Variants in SPRY3 observed in about 807,000 individuals in gnomAD.
The protein encoded by SPRY3 is sprouty RTK signaling antagonist 3.
Under a neutral mutation model 20.2 loss-of-function variants are expected in SPRY3, and 15 were observed. The ratio of observed to expected loss-of-function variants is 0.74; its 90% CI spans 0.50 to 1.14. SPRY3 has a LOEUF of 1.14. Among genes scored for constraint, SPRY3 ranks in the 50% most tolerant of loss-of-function variants. SPRY3 has a pLI of 0.00. For missense variants in SPRY3, 364 were observed against 363.9 expected (o/e 1.00, Z 0.00); for synonymous variants, 143 against 136.5 (o/e 1.05, Z -0.33).
chrX:155,679,434 T>C (rs2068067181), intron 2 of SPRY3, among the ~76,000 whole-genome samples: 1 of 99,524 alleles, frequency 1.0e-5, no homozygotes, highest in Admixed American at 1.1e-4. Context: ...TGCTGCCTTC[T>C]CATATGGCAG....
chrX:155,669,208 A>C (rs1308896248), intron 2 of SPRY3, among the ~76,000 whole-genome samples: 1 of 111,681 alleles, frequency 9.0e-6, no homozygotes, highest in Admixed American at 9.5e-5. Flanking sequence ...ATATTTTCCA[A>C]ATGTATAATT....
chrX:155,703,010 G>A, intron 2 of SPRY3, among the ~76,000 whole-genome samples: 1 of 101,000 alleles, frequency 9.9e-6, no homozygotes. Flanking sequence ...TGCTGGATTC[G>A]GTTTGCCAGT....
At chrX:155,742,836 G>A (rs1190960478) in intron 2 of SPRY3, among the ~76,000 whole-genome samples, 4 of 152,106 alleles carry the variant, frequency 2.6e-5, no homozygotes, top group Non-Finnish European at 5.9e-5. Context: ...AGCTAAAGCA[G>A]TGTTAAGAGG....
At chrX:155,654,686 GGTGTGTGTGTGTGTGT>G (rs3067500) in intron 1 of SPRY3, among the ~76,000 whole-genome samples, 82 of 85,952 alleles carry the variant, frequency 9.5e-4, no homozygotes, top group Admixed American at 3.5e-3. Context: ...AGTATTCCAT[GGTGTGTGTGTGTGTGT>G]GTGTGTGTGT....
chrX:155,729,281 A>T (rs2091118193), intron 2 of SPRY3, among the ~76,000 whole-genome samples: 1 of 152,184 alleles, frequency 6.6e-6, no homozygotes, highest in Non-Finnish European at 1.5e-5. Context: ...TAGCACGTGG[A>T]TCATTCTCTA....
At chrX:155,780,605 T>C (rs2091457542), downstream of SPRY3, 1 of 167,002 alleles carries the variant, frequency 6.0e-6, no homozygotes, top group African/African-American at 2.4e-5. Flanking sequence ...TTCAGCTTTA[T>C]AGTCTTGGAT....
chrX:155,634,580 A>G (rs1210135865), intron 1 of SPRY3, among the ~76,000 whole-genome samples: 3 of 111,816 alleles, frequency 2.7e-5, no homozygotes, highest in Non-Finnish European at 5.6e-5. Context: ...GAGTTGGGAG[A>G]CAACTCCTAA....
chrX:155,758,146 G>C (rs773105177), intron 2 of SPRY3, among the ~76,000 whole-genome samples: 3 of 152,204 alleles, frequency 2.0e-5, no homozygotes, highest in East Asian at 1.9e-4. Flanking sequence ...TCATTTATTC[G>C]TTCAACCAAT....
At chrX:155,692,352 ATGAAC>A (rs2068105734) in intron 2 of SPRY3, among the ~76,000 whole-genome samples, 1 of 111,472 alleles carries the variant, frequency 9.0e-6, no homozygotes, top group African/African-American at 3.3e-5. Context: ...TTTGTAGAAA[ATGAAC>A]TGAACATGTC....
intron 2 of SPRY3, among the ~76,000 whole-genome samples, chrX:155,755,744 G>T (rs1307946912): frequency 6.6e-6 from 1 of 152,044 alleles, no homozygotes; most frequent in Non-Finnish European, 1.5e-5. Context: ...TTTAGCCTTT[G>T]GGCATCTGCT....
intron 2 of SPRY3, among the ~76,000 whole-genome samples, chrX:155,725,804 G>A (rs1408625822): frequency 6.6e-6 from 1 of 151,848 alleles, no homozygotes; most frequent in Non-Finnish European, 1.5e-5. Context: ...AGGGTTTTTT[G>A]TTTCTCTATC....
At chrX:155,613,643 AG>A (rs1330223173) in intron 1 of SPRY3, among the ~76,000 whole-genome samples, 6 of 112,266 alleles carry the variant, frequency 5.3e-5, no homozygotes, top group African/African-American at 1.9e-4. Context: ...CAACAAAAGA[AG>A]AAAAAGCCTC....
chrX:155,775,892 T>G (rs2091422191), exon 4 of SPRY3: 1 of 167,120 alleles, frequency 6.0e-6, no homozygotes, highest in Non-Finnish European at 1.5e-5. Flanking sequence ...ACGTTAGAGC[T>G]GGAAGGAATC....
chrX:155,726,395 A>G (rs186359180), intron 2 of SPRY3, among the ~76,000 whole-genome samples: 1 of 152,206 alleles, frequency 6.6e-6, no homozygotes, highest in Admixed American at 6.5e-5. Flanking sequence ...TTTCTCGTTT[A>G]TCTGTCTAAT....
At chrX:155,620,409 T>A (rs1272593379) in intron 1 of SPRY3, among the ~76,000 whole-genome samples, 2 of 111,611 alleles carry the variant, frequency 1.8e-5, no homozygotes, top group Non-Finnish European at 3.8e-5. Context: ...TTTACAGCAG[T>A]TTTATTTGTA....
At position 155,768,247 on chromosome X, in the gene SPRY3, C is replaced by T. The variant is rs1272906694; in HGVS notation, c.-107+111C>T. 1.0e-4 allele frequency: 15 copies of T among 148,562 alleles called. No homozygotes were observed. In the East Asian group the frequency reaches 2.6e-3, roughly 26 times the overall value. 9.2% of individuals were successfully genotyped at this position (148,562 alleles called of 1,614,324 possible). On this transcript the variant is annotated intron_variant, in intron 3 of 3. Transcript: ENST00000675360. ...TGTCTCTGTGTGCGTGTGTGTGCCG[C>T]GCGCTTGGGCGCGCGCGCGCAAGCG...
chrX:155,711,236 T>C lies in SPRY3; in HGVS notation c.-282+54211T>C, dbSNP rs762169812. On this transcript the variant is annotated intron_variant, in intron 2 of 3. Transcript: ENST00000675360. ...AAAATAGTTTGAGTAGGATTGGTAT[T>C]AGTTCTTTGAATGTTTGGTAGAATT... 2.0e-5 allele frequency among the ~76,000 whole-genome samples: 3 copies of C among 151,840 alleles called. No individual in the cohort carries two copies. In the South Asian group the frequency reaches 6.2e-4, roughly 32 times the overall value.
chrX:155,776,868 C>T (rs2091430239), downstream of SPRY3: 1 of 166,914 alleles, frequency 6.0e-6, no homozygotes, highest in Non-Finnish European at 1.5e-5. Flanking sequence ...TGCACAGAGC[C>T]CCACACCTTC....
intron 1 of SPRY3, among the ~76,000 whole-genome samples, chrX:155,632,475 C>T (rs2067909841): frequency 9.0e-6 from 1 of 111,650 alleles, no homozygotes; most frequent in South Asian, 3.7e-4. Flanking sequence ...CTTGACAAGA[C>T]TCACTCATGC....
Sources: gnomAD v4.1 joint callset for allele counts (sites outside exome capture counted in the v4.1 genomes callset) on GRCh38, gnomAD v4.1.1 for gene constraint, MANE v1.5 for transcripts, NCBI Gene and HGNC (gene_info 2026-07-23, HGNC 2026-07-21) for gene names.